RPN2: variants seen among roughly 807,000 people sequenced by gnomAD.
RPN2 encodes ribophorin II, also known as dolichyl-diphosphooligosaccharide--protein glycosyltransferase subunit 2.
A neutral mutation model predicts 71.4 loss-of-function variants in RPN2; 29 were observed. The ratio of observed to expected loss-of-function variants is 0.41; its 90% CI spans 0.30 to 0.55. The LOEUF (loss-of-function observed/expected upper bound fraction) is 0.55, where lower values mean the gene tolerates loss of function less well. RPN2 is among the 20% of genes least tolerant of loss of function. The pLI, the probability that RPN2 is intolerant of heterozygous loss-of-function variation, is 0.35. For missense variants in RPN2, 726 were observed against 774.1 expected, an observed-to-expected ratio of 0.94 and a Z score of 0.74; for synonymous variants, 308 against 305.0, an observed-to-expected ratio of 1.01 and a Z score of -0.10.
intron 4 of RPN2, chr20:37,200,383 C>T (rs1267560980): frequency 1.6e-5 from 8 of 506,064 alleles, no homozygotes; most frequent in Non-Finnish European, 3.2e-5. Flanking sequence ...TTAAACTGCT[C>T]CTTTAAAACA....
At chr20:37,185,741 T>G (rs2066992385) in intron 2 of RPN2, among the ~76,000 whole-genome samples, 1 of 152,184 alleles carries the variant, frequency 6.6e-6, no homozygotes, top group South Asian at 2.1e-4. Flanking sequence ...GATCCTCCTG[T>G]CTCAGCTTCC....
At chr20:37,189,838 T>A (rs562911476) in intron 2 of RPN2, among the ~76,000 whole-genome samples, 1 of 152,248 alleles carries the variant, frequency 6.6e-6, no homozygotes, top group South Asian at 2.1e-4. Context: ...ATTGAAAAGG[T>A]TTGCTTCTAT....
intron 6 of RPN2, 35 bp downstream of exon 6, chr20:37,204,936 A>T (rs1412397944): frequency 6.2e-7 from 1 of 1,613,930 alleles, no homozygotes; most frequent in Non-Finnish European, 8.5e-7. Context: ...ATGAAACCCA[A>T]AGGGGTCATC....
At chr20:37,204,579 A>G (rs1470605552) in intron 5 of RPN2, among the ~76,000 whole-genome samples, 188 bp from the exon 6 acceptor site, 1 of 152,218 alleles carries the variant, frequency 6.6e-6, no homozygotes, top group Non-Finnish European at 1.5e-5. Context: ...TGCTCTCCTC[A>G]AATGTCTGTT....
At chr20:37,203,790 G>A in intron 4 of RPN2, 95 bp from the exon 5 acceptor site, 1 of 864,144 alleles carries the variant, frequency 1.2e-6, no homozygotes, top group South Asian at 1.4e-5. Context: ...TAAAGAACAA[G>A]AGTAGGATAT....
chr20:37,229,911 T>C, intron 12 of RPN2, 62 bp from the exon 13 acceptor site: 1 of 1,204,216 alleles, frequency 8.3e-7, no homozygotes, highest in Non-Finnish European at 1.2e-6. Flanking sequence ...GAGAATATTA[T>C]CTATTGAGTT....
intron 9 of RPN2, among the ~76,000 whole-genome samples, chr20:37,217,688 T>C (rs973453106): frequency 5.3e-5 from 8 of 152,170 alleles, no homozygotes; most frequent in African/African-American, 1.9e-4. Context: ...TTGCAGGCCC[T>C]TCAGAACTCT....
At chr20:37,189,019 C>G (rs375336248) in intron 2 of RPN2, among the ~76,000 whole-genome samples, 5 of 151,944 alleles carry the variant, frequency 3.3e-5, no homozygotes, top group Admixed American at 1.3e-4. Flanking sequence ...CTGCAACCTC[C>G]GCCTCGTAGG....
chr20:37,224,215 C>A (rs117410232), intron 10 of RPN2, among the ~76,000 whole-genome samples: 2 of 152,294 alleles, frequency 1.3e-5, no homozygotes, highest in African/African-American at 4.8e-5. Flanking sequence ...CAGTCCTCAA[C>A]GAGGTAAAGC....
intron 7 of RPN2, 96 bp from the exon 8 acceptor site, chr20:37,209,951 T>C: frequency 6.4e-7 from 1 of 1,571,770 alleles, no homozygotes; most frequent in Non-Finnish European, 8.6e-7. Context: ...TTTGCTCTCC[T>C]GCAGAGCTTG....
chr20:37,235,658 T>A (rs6032228), intron 15 of RPN2, among the ~76,000 whole-genome samples: 94,197 of 152,000 alleles, frequency 0.62, 29,517 homozygotes, highest in Middle Eastern at 0.77. Flanking sequence ...TTTTATTTTT[T>A]ATTTTTTTGA....
At chr20:37,198,641 A>G (rs778728012) in intron 3 of RPN2, 149 bp downstream of exon 3, 36 of 1,366,324 alleles carry the variant, frequency 2.6e-5, no homozygotes, top group Non-Finnish European at 3.5e-5. Flanking sequence ...TTTTTCCTTA[A>G]GAAAGTATAG....
At position 37,228,712 on chromosome 20, in the gene RPN2, G is replaced by A. The variant is rs1244199618; in HGVS notation, c.1462G>A (p.Ala488Thr). 1.2e-6 allele frequency: 2 copies of A among 1,614,210 alleles called. No homozygotes were observed. The highest frequency in any genetic ancestry group is 1.1e-5 in the South Asian group (1 of 91,084). The change falls in exon 12 of 17, where the codon GCC becomes ACC. Residue 488 changes from alanine (A) to threonine (T), a missense_variant. Transcript: ENST00000237530. Reference sequence around the variant, plus strand: ...CACTCTCTACTTAATCATTGGAGATGCCACTTTGAAGAACCCAATCCTCTG... The same window carrying A: ...CACTCTCTACTTAATCATTGGAGATACCACTTTGAAGAACCCAATCCTCTG... ...TYTLYLIIGDATLKNPILWNV... is the reference protein window; with the variant it reads ...TYTLYLIIGDTTLKNPILWNV...
rs79529665 is a variant in RPN2, at chr20:37,220,908, G to A, written c.1093-2970G>A. Among the ~76,000 whole-genome samples, 1,212 of 152,312 alleles carry A rather than the reference G, an allele frequency of 8.0e-3. 27 individuals are homozygous for A. The East Asian group carries it at 0.08, about 10-fold the overall frequency. ...TAGGAACAGCCCTACGGGTGTTTAT[G>A]TGCAACAATGAAAGCTGTAACTTAG... On this transcript the variant is annotated intron_variant, in intron 9 of 16. Transcript: ENST00000237530.
chr20:37,210,064 T>G lies in RPN2; in HGVS notation c.885T>G (p.Val295=). The change falls in exon 8 of 17, where the codon GTT becomes GTG. Residue 295 remains valine, a synonymous_variant. Coordinates refer to ENST00000237530, the MANE Select transcript of RPN2 (RefSeq NM_002951.5). ...QAILRLQVTN[V]LSQPLTQATV... ...ATTTCCAGTTGCAAGTCACCAATGT[T>G]CTGTCTCAGCCTCTGACTCAGGCCA... 6.2e-7 allele frequency: 1 copy of G among 1,614,136 alleles called. No individual in the cohort carries two copies. Among genetic ancestry groups the G allele is most frequent in the South Asian group, 1.1e-5 (1 of 91,084 alleles).
rs762777555 is a variant in RPN2, at chr20:37,232,364, C to G, written c.1650C>G (p.Leu550=). ...VVSNTFTALI[L]SPLLLLFALW... Reference sequence around the variant, plus strand: ...CCAATACATTCACTGCCCTGATCCTCTCGCCGTTGCTTCTGCTCTTCGCTC... The same window carrying G: ...CCAATACATTCACTGCCCTGATCCTGTCGCCGTTGCTTCTGCTCTTCGCTC... The change falls in exon 14 of 17, where the codon CTC becomes CTG. Residue 550 remains leucine (L), a synonymous_variant. Transcript: ENST00000237530. The G allele has an allele frequency of 3.1e-6, 5 of 1,614,092 alleles. No homozygotes were observed. In the African/African-American group the frequency reaches 6.7e-5, roughly 22 times the overall value.
Position 37,225,869 on chromosome 20 carries a change from G to A in RPN2, c.1299+67G>A, listed in dbSNP as rs560652335. ...AATGGATACTAGAGTTTACAATGTG[G>A]TCTATAACATGGACTAGAGAGAATT... is the stretch of plus-strand genomic sequence containing the variant. On this transcript the variant is annotated intron_variant, in intron 11 of 16. Coordinates refer to ENST00000237530, the MANE Select transcript of RPN2 (RefSeq NM_002951.5). The A allele has an allele frequency of 7.3e-6, 8 of 1,092,126 alleles. No homozygotes were observed. In the South Asian group the frequency reaches 9.0e-5, roughly 12 times the overall value. The allele number at this position is 1,092,126 out of a possible 1,614,324, so 67.7% of individuals were successfully genotyped here. A position where few individuals can be genotyped will look rare whatever the true frequency, so the allele number is the denominator to read the frequency against.
chr20:37,188,038 A>T (rs1018107415), intron 2 of RPN2, among the ~76,000 whole-genome samples: 1 of 152,170 alleles, frequency 6.6e-6, no homozygotes, highest in Non-Finnish European at 1.5e-5. Flanking sequence ...TAGAGATTTT[A>T]ATATGCATCC....
intron 4 of RPN2, among the ~76,000 whole-genome samples, chr20:37,199,987 C>T (rs569285432): frequency 1.3e-5 from 2 of 151,768 alleles, no homozygotes; most frequent in East Asian, 1.9e-4. Context: ...CAAACTACCA[C>T]GCCTAGCTAA....
Sources: allele counts gnomAD v4.1 joint callset (sites outside exome capture counted in the v4.1 genomes callset), GRCh38; gene constraint gnomAD v4.1.1; transcripts MANE v1.5; gene names NCBI Gene and HGNC (gene_info 2026-07-23, HGNC 2026-07-21).